Variants in ADARB1 observed in about 807,000 individuals in gnomAD.
ADARB1 encodes the protein double-stranded RNA-specific editase 1.
A neutral mutation model predicts 52.4 loss-of-function variants in ADARB1; 10 were observed. The ratio of observed to expected loss-of-function variants is 0.19; its 90% CI spans 0.12 to 0.32. The LOEUF (loss-of-function observed/expected upper bound fraction) is 0.32, where lower values mean the gene tolerates loss of function less well. Ranked by LOEUF, ADARB1 falls within the 10% of genes least tolerant of loss-of-function variation. The probability of loss-of-function intolerance (pLI) is 1.00; values close to 1 mark genes in which losing one functional copy is unlikely to be tolerated. For synonymous variants in ADARB1, 349 were observed against 371.1 expected, an observed-to-expected ratio of 0.94 and a Z score of 0.68; for missense variants, 643 against 922.3, an observed-to-expected ratio of 0.70 and a Z score of 3.92.
chr21:45,156,321 ATC>A (rs2090620015), intron 2 of ADARB1, among the ~76,000 whole-genome samples: 1 of 130,160 alleles, frequency 7.7e-6, no homozygotes, highest in Non-Finnish European at 1.6e-5. Context: ...CCACCCACCC[ATC>A]ATCACCCATC....
At chr21:45,218,636 A>T (rs1019318472) in intron 9 of ADARB1, among the ~76,000 whole-genome samples, 9 of 152,254 alleles carry the variant, frequency 5.9e-5, no homozygotes, top group African/African-American at 1.9e-4. Context: ...AATTCAGGGG[A>T]TCTGCTACAC....
intron 1 of ADARB1, among the ~76,000 whole-genome samples, chr21:45,082,178 G>T (rs945041399): frequency 6.6e-6 from 1 of 152,166 alleles, no homozygotes; most frequent in African/African-American, 2.4e-5. Context: ...ACCTCATTTT[G>T]TATTGGGTTC....
In ADARB1 at chr21:45,200,366, A is replaced by G. The variant is rs920366782; in HGVS notation, c.1566-4189A>G. ...AGGCTCCCATGGGGTTGGCCACCCC[A>G]CGGTGATTATGTTGGCGCGGGAGCC... On this transcript the variant is annotated intron_variant, in intron 8 of 10. Coordinates refer to ENST00000348831, the MANE Select transcript of ADARB1 (RefSeq NM_001112.4). This position sits in a 1 kb window ranked among gnomAD's most constrained non-coding sequence, Gnocchi z 5.0. 6.6e-6 allele frequency among the ~76,000 whole-genome samples: 1 copy of G among 152,152 alleles called. No individual in the cohort carries two copies. The highest frequency in any genetic ancestry group is 2.4e-5 in the African/African-American group (1 of 41,426).
intron 7 of ADARB1, chr21:45,184,447 AATT>A: frequency 6.2e-6 from 1 of 161,768 alleles, no homozygotes; most frequent in South Asian, 5.6e-5. Flanking sequence ...AATTTCATAT[AATT>A]TTTTTTTTTT....
intron 5 of ADARB1, among the ~76,000 whole-genome samples, chr21:45,181,917 G>A (rs2091945460): frequency 6.6e-6 from 1 of 152,238 alleles, no homozygotes; most frequent in South Asian, 2.1e-4. Flanking sequence ...GTGCTTACCT[G>A]CCACATGGTG....
intron 2 of ADARB1, among the ~76,000 whole-genome samples, chr21:45,149,116 G>A (rs889451603): frequency 6.6e-6 from 1 of 152,140 alleles, no homozygotes; most frequent in African/African-American, 2.4e-5. Flanking sequence ...AACAACATGG[G>A]GCCCCAGGGC....
At chr21:45,178,845 G>A (rs919001071) in intron 4 of ADARB1, among the ~76,000 whole-genome samples, 1 of 152,216 alleles carries the variant, frequency 6.6e-6, no homozygotes, top group African/African-American at 2.4e-5. Flanking sequence ...CCTCAACGGG[G>A]TGCTGAGCCC....
chr21:45,183,783 G>A (rs2092006927), intron 7 of ADARB1, among the ~76,000 whole-genome samples: 1 of 152,158 alleles, frequency 6.6e-6, no homozygotes. Flanking sequence ...TTAAATTTGG[G>A]TAATAAATAT....
intron 1 of ADARB1, among the ~76,000 whole-genome samples, chr21:45,098,576 A>G (rs1601327258): frequency 1.3e-5 from 2 of 152,272 alleles, no homozygotes; most frequent in South Asian, 4.2e-4. Flanking sequence ...AGTTTGAATC[A>G]TCCCCACCCT....
intron 1 of ADARB1, among the ~76,000 whole-genome samples, chr21:45,088,659 T>G (rs937832739): frequency 1.3e-5 from 2 of 152,222 alleles, no homozygotes; most frequent in Non-Finnish European, 2.9e-5. Context: ...GGCCAGAGTT[T>G]GGAGAGAAAC....
rs1261424054 is a variant in ADARB1 at position 45,128,230 on chromosome 21, G to A, written c.-219-172G>A. 6.6e-6 allele frequency among the ~76,000 whole-genome samples: 1 copy of A among 152,212 alleles called. No individual in the cohort carries two copies. Among genetic ancestry groups the A allele is most frequent in the African/African-American group, 2.4e-5 (1 of 41,444 alleles). On this transcript the variant is annotated intron_variant, in intron 1 of 10. Transcript: ENST00000348831. This position sits in a 1 kb window ranked among gnomAD's most constrained non-coding sequence, Gnocchi z 4.6. Reference sequence around the variant, plus strand: ...GACGGACGGAGACGTGATGGATTGCGCATATCCCCTTTACAGATTCGGAAG... The same window carrying A: ...GACGGACGGAGACGTGATGGATTGCACATATCCCCTTTACAGATTCGGAAG...
At chr21:45,132,158 T>C (rs1169596616) in intron 2 of ADARB1, 3 of 152,250 alleles carry the variant, frequency 2.0e-5, no homozygotes, top group East Asian at 1.9e-4. Context: ...AAGTAAAAAT[T>C]TGGCCAAGAA....
chr21:45,112,682 G>A (rs910977934), intron 1 of ADARB1, among the ~76,000 whole-genome samples: 8 of 152,238 alleles, frequency 5.3e-5, no homozygotes, highest in African/African-American at 1.9e-4. Context: ...TTCCCATTTG[G>A]GGGATGTAGG....
At chr21:45,175,594 G>A (rs1414850516) in intron 3 of ADARB1, 136 bp from the exon 4 acceptor site, 6 of 866,702 alleles carry the variant, frequency 6.9e-6, no homozygotes, top group African/African-American at 3.4e-5. Flanking sequence ...AACTCTTCAT[G>A]TATACATCAA....
chr21:45,217,776 A>T (rs1430750631), intron 9 of ADARB1, among the ~76,000 whole-genome samples: 2 of 152,062 alleles, frequency 1.3e-5, no homozygotes, highest in Non-Finnish European at 2.9e-5. Context: ...CAGCTTTGGT[A>T]TGTCTGGGAA....
intron 8 of ADARB1, among the ~76,000 whole-genome samples, chr21:45,199,713 T>C (rs1201530255): frequency 3.3e-5 from 5 of 152,198 alleles, no homozygotes; most frequent in African/African-American, 1.2e-4. Flanking sequence ...TCAGGAATTA[T>C]TTACTATAAC....
At chr21:45,154,536 T>G (rs2090459360) in intron 2 of ADARB1, among the ~76,000 whole-genome samples, 1 of 152,216 alleles carries the variant, frequency 6.6e-6, no homozygotes, top group African/African-American at 2.4e-5. Context: ...AATGTACGCC[T>G]TTTAAAATGT....
At position 45,220,683 on chromosome 21, in the gene ADARB1, GCACGCT is replaced by G. The variant is rs2146459854; in HGVS notation, c.1748-150_1748-145del. 6.6e-6 allele frequency among the ~76,000 whole-genome samples: 1 copy of G among 152,346 alleles called. No individual in the cohort carries two copies. Among genetic ancestry groups the G allele is most frequent in the South Asian group, 2.1e-4 (1 of 4,830 alleles). On this transcript the variant is annotated intron_variant, in intron 9 of 10. Transcript: ENST00000348831. The surrounding 1 kb of genome is among the most constrained non-coding windows in gnomAD (Gnocchi z 6.3). ...GTGTGAGGCCACTGCCACGGCAGAT[GCACGCT>G]CAAGTCTGCGTATATTCCTCGGCAG...
chr21:45,196,394 A>G (rs1467021296), intron 8 of ADARB1, among the ~76,000 whole-genome samples: 2 of 152,224 alleles, frequency 1.3e-5, no homozygotes, highest in African/African-American at 4.8e-5. Context: ...CCATAGACCT[A>G]AATGCATAAA....
Sources: allele counts gnomAD v4.1 joint callset (sites outside exome capture counted in the v4.1 genomes callset), GRCh38; gene constraint gnomAD v4.1.1; non-coding constraint Gnocchi (gnomAD v3.1); transcripts MANE v1.5; gene names NCBI Gene and HGNC (gene_info 2026-07-23, HGNC 2026-07-21).